FAM3B: variants seen among roughly 807,000 people sequenced by gnomAD.
The protein encoded by FAM3B is protein FAM3B.
Under a neutral mutation model 28.4 loss-of-function variants are expected in FAM3B, and 29 were observed. That is an observed-to-expected ratio of 1.02 (90% CI 0.76 to 1.39). FAM3B has a LOEUF of 1.39. Among genes scored for constraint, FAM3B ranks in the 40% most tolerant of loss-of-function variants. The probability of loss-of-function intolerance (pLI) is 0.00; values close to 1 mark genes in which losing one functional copy is unlikely to be tolerated. For missense variants in FAM3B, 266 were observed against 293.9 expected, an observed-to-expected ratio of 0.91 and a Z score of 0.69; for synonymous variants, 91 against 103.0, an observed-to-expected ratio of 0.88 and a Z score of 0.71.
rs141746324 is a variant in FAM3B, at chr21:41,322,518, T to C, written c.20-405T>C. On this transcript the variant is annotated intron_variant, in intron 1 of 7. Coordinates refer to ENST00000357985, the MANE Select transcript of FAM3B (RefSeq NM_058186.4). Reference sequence around the variant, plus strand: ...AGAGCTTTACCCCTGAAGGTTTCAATGTAATTGCAGGAGCGTGCTCAAATC... The same window carrying C: ...AGAGCTTTACCCCTGAAGGTTTCAACGTAATTGCAGGAGCGTGCTCAAATC... 2.8e-4 allele frequency: 197 copies of C among 701,496 alleles called. 1 individual carries two copies. The East Asian group carries it at 4.6e-3, about 16-fold the overall frequency. 43.5% of individuals were successfully genotyped at this position (701,496 alleles called of 1,614,324 possible).
intron 3 of FAM3B, among the ~76,000 whole-genome samples, chr21:41,344,070 C>T (rs1359000722): frequency 2.0e-5 from 3 of 152,194 alleles, no homozygotes; most frequent in South Asian, 2.1e-4. Context: ...CAGTGAGCCA[C>T]GATTGCACAA....
intron 3 of FAM3B, among the ~76,000 whole-genome samples, chr21:41,339,335 G>A (rs1156889648): frequency 6.6e-6 from 1 of 151,872 alleles, no homozygotes; most frequent in Non-Finnish European, 1.5e-5. Context: ...TTGATTTACA[G>A]CATAGCTAAA....
At chr21:41,305,990 C>T (rs1601341458) in intron 1 of FAM3B, among the ~76,000 whole-genome samples, 1 of 152,256 alleles carries the variant, frequency 6.6e-6, no homozygotes, top group South Asian at 2.1e-4. Flanking sequence ...AACTCTGCCA[C>T]TACTCTATCA....
At chr21:41,319,640 C>A (rs1022489309) in intron 1 of FAM3B, 3 of 152,450 alleles carry the variant, frequency 2.0e-5, no homozygotes, top group African/African-American at 7.2e-5. Context: ...CCAGCTTCAG[C>A]GCTGATTCTT....
At chr21:41,316,950 C>A (rs2088755129) in intron 1 of FAM3B, 52 bp downstream of exon 1, 11 of 1,279,318 alleles carry the variant, frequency 8.6e-6, no homozygotes, top group Non-Finnish European at 1.1e-5. Flanking sequence ...AGGAGGACCC[C>A]AGGGGAAGCG....
rs417708 is a variant in FAM3B at position 41,345,735 on chromosome 21, T to C, written c.396T>C (p.Gly132=). 0.86 allele frequency: 1,324,786 copies of C among 1,544,292 alleles called. 569,527 individuals are homozygous for C. The highest frequency in any genetic ancestry group is 0.97 in the African/African-American group (69,956 of 72,382). The change falls in exon 5 of 8, where the codon GGT becomes GGC. Residue 132 remains glycine (G), a splice_region_variant and synonymous_variant. Coordinates refer to ENST00000357985, the MANE Select transcript of FAM3B (RefSeq NM_058186.4). The part of the protein sequence containing the change: ...TATRCFDMYE[G]DNSGPMTKFI... ...CACGATGTTTTGATATGTATGAAGG[T>C]GGTAAGAAAATTTTTTCTGTTAAAA...
intron 3 of FAM3B, among the ~76,000 whole-genome samples, chr21:41,340,451 CAA>C (rs1267212120): frequency 6.6e-6 from 1 of 152,132 alleles, no homozygotes; most frequent in African/African-American, 2.4e-5. Context: ...CACACCCAGC[CAA>C]AGTTGTCCTT....
chr21:41,322,731 C>T (rs1365558386), intron 1 of FAM3B, 192 bp from the exon 2 acceptor site: 1 of 764,318 alleles, frequency 1.3e-6, no homozygotes, highest in African/African-American at 1.7e-5. Context: ...TGTTTGTATT[C>T]TCTGATACTG....
intron 1 of FAM3B, 78 bp downstream of exon 1, chr21:41,316,976 G>A (rs2088755380): frequency 8.4e-7 from 1 of 1,192,486 alleles, no homozygotes; most frequent in East Asian, 3.2e-5. Context: ...CCCCAACCCT[G>A]CCTGGGACCC....
At chr21:41,351,973 A>C (rs1466075576) in intron 7 of FAM3B, among the ~76,000 whole-genome samples, 3 of 152,136 alleles carry the variant, frequency 2.0e-5, no homozygotes, top group African/African-American at 7.2e-5. Flanking sequence ...CCTCTTCTGC[A>C]CCCTGAACTG....
At chr21:41,305,732 G>A (rs527406845) in intron 1 of FAM3B, among the ~76,000 whole-genome samples, 84 of 152,304 alleles carry the variant, frequency 5.5e-4, no homozygotes, top group African/African-American at 1.9e-3. Context: ...AAGTGCCAAC[G>A]TTCATCTGAG....
chr21:41,316,929 AG>A, intron 1 of FAM3B, 31 bp downstream of exon 1: 2 of 1,329,258 alleles, frequency 1.5e-6, no homozygotes, highest in Non-Finnish European at 9.6e-7. Context: ...GGGCGAGGGT[AG>A]GGGCGGGGAA....
chr21:41,346,701 A>G (rs2089063802), intron 5 of FAM3B, among the ~76,000 whole-genome samples: 1 of 151,502 alleles, frequency 6.6e-6, no homozygotes, highest in African/African-American at 2.4e-5. Context: ...CAGGGGCTCC[A>G]CTTCTCTTGT....
At chr21:41,344,721 A>C in intron 4 of FAM3B, among the ~76,000 whole-genome samples, 187 bp downstream of exon 4, 1 of 152,228 alleles carries the variant, frequency 6.6e-6, no homozygotes, top group East Asian at 1.9e-4. Flanking sequence ...TTCTAACAAC[A>C]AATAAACAAC....
chr21:41,342,074 C>A (rs979243224), intron 3 of FAM3B, among the ~76,000 whole-genome samples: 1 of 152,190 alleles, frequency 6.6e-6, no homozygotes, highest in African/African-American at 2.4e-5. Flanking sequence ...GTTTACGTTT[C>A]TCTGAAATAT....
chr21:41,324,072 T>C (rs1351026568), intron 2 of FAM3B, among the ~76,000 whole-genome samples: 2 of 152,172 alleles, frequency 1.3e-5, no homozygotes, highest in African/African-American at 4.8e-5. Context: ...CTCCCATTCC[T>C]GAAGGCTTCA....
intron 2 of FAM3B, among the ~76,000 whole-genome samples, chr21:41,330,805 G>A (rs1008544939): frequency 2.0e-5 from 3 of 152,144 alleles, no homozygotes; most frequent in East Asian, 3.9e-4. Context: ...ATTCTATTGT[G>A]CACTCTGTTA....
At chr21:41,356,948 T>A (rs1404375539) in intron 7 of FAM3B, among the ~76,000 whole-genome samples, 160 bp from the exon 8 acceptor site, 1 of 152,210 alleles carries the variant, frequency 6.6e-6, no homozygotes, top group Non-Finnish European at 1.5e-5. Flanking sequence ...TATATTAATT[T>A]AAAAATTATT....
At chr21:41,353,620 G>C (rs1224226490) in intron 7 of FAM3B, among the ~76,000 whole-genome samples, 2 of 152,216 alleles carry the variant, frequency 1.3e-5, no homozygotes, top group Non-Finnish European at 2.9e-5. Context: ...GAAAAGAATA[G>C]ACTTGGACCC....
Sources: gnomAD v4.1 joint callset for allele counts (sites outside exome capture counted in the v4.1 genomes callset) on GRCh38, gnomAD v4.1.1 for gene constraint, MANE v1.5 for transcripts, NCBI Gene and HGNC (gene_info 2026-07-23, HGNC 2026-07-21) for gene names.